TTC23: variants seen among roughly 807,000 people sequenced by gnomAD.
The protein encoded by TTC23 is tetratricopeptide repeat domain 23.
Under a neutral mutation model 55.1 loss-of-function variants are expected in TTC23, and 58 were observed. That is an observed-to-expected ratio of 1.05 (90% CI 0.85 to 1.31). The LOEUF (loss-of-function observed/expected upper bound fraction) is 1.31. Ranked by LOEUF, TTC23 falls within the 50% of genes most tolerant of loss-of-function variation. The pLI, the probability that TTC23 is intolerant of heterozygous loss-of-function variation, is 0.00. For missense variants in TTC23, 516 were observed against 534.4 expected (o/e 0.97, Z 0.34); for synonymous variants, 203 against 199.9 (o/e 1.02, Z -0.13).
chr15:99,139,031 G>A lies in TTC23; in HGVS notation c.1226+286C>T, dbSNP rs559224052. On this transcript the variant is annotated intron_variant, in intron 13 of 13. Coordinates refer to ENST00000394132, the MANE Select transcript of TTC23 (RefSeq NM_001288615.3). ...GCTGCAGGAGGCCACAGGGATTCCC[G>A]GGGCCCTCCCCCTGCAGCAGGTGCC... The A allele has an allele frequency of 1.6e-4, 72 of 462,202 alleles. 1 individual carries two copies. Among genetic ancestry groups the A allele is most frequent in the Non-Finnish European group, 2.2e-4 (54 of 250,630 alleles). The allele number at this position is 462,202 out of a possible 1,614,324, so 28.6% of individuals were successfully genotyped here. A position where few individuals can be genotyped will look rare whatever the true frequency, so the allele number is the denominator to read the frequency against.
At chr15:99,206,641 G>A (rs1034898882) in intron 8 of TTC23, among the ~76,000 whole-genome samples, 3 of 152,126 alleles carry the variant, frequency 2.0e-5, no homozygotes, top group South Asian at 2.1e-4. Context: ...TTGAATTTCT[G>A]TGGTAGCAGT....
chr15:99,230,346 G>T (rs1005722404), intron 4 of TTC23, among the ~76,000 whole-genome samples: 1 of 152,110 alleles, frequency 6.6e-6, no homozygotes, highest in African/African-American at 2.4e-5. Flanking sequence ...AAAAAAATCA[G>T]TGGGCTGTAA....
chr15:99,207,675 T>C (rs1315290719), intron 8 of TTC23, among the ~76,000 whole-genome samples: 1 of 152,178 alleles, frequency 6.6e-6, no homozygotes, highest in African/African-American at 2.4e-5. Flanking sequence ...GAGAATCGCT[T>C]GAACCCGGGA....
intron 2 of TTC23, among the ~76,000 whole-genome samples, chr15:99,243,834 G>C (rs538921054): frequency 6.6e-6 from 1 of 152,240 alleles, no homozygotes; most frequent in South Asian, 2.1e-4. Flanking sequence ...AAGGGTATTG[G>C]GCAGGGAGGG....
chr15:99,163,242 C>CA (rs934311930), intron 10 of TTC23, among the ~76,000 whole-genome samples: 1 of 152,116 alleles, frequency 6.6e-6, no homozygotes, highest in Admixed American at 6.5e-5. Context: ...GAAAGCATGA[C>CA]AGAGATTTGA....
chr15:99,138,169 GC>G (rs782518074), intron 13 of TTC23, 42 bp from the exon 14 acceptor site: 4 of 1,606,400 alleles, frequency 2.5e-6, no homozygotes, highest in African/African-American at 1.3e-5. Context: ...GTGCCCCTCA[GC>G]CCCCCACACC....
Position 99,137,879 on chromosome 15 carries a change from T to A in TTC23, c.*131A>T, listed in dbSNP as rs1393628862. 7.0e-7 allele frequency: 1 copy of A among 1,430,426 alleles called. No homozygotes were observed. The highest frequency in any genetic ancestry group is 9.5e-7 in the Non-Finnish European group (1 of 1,052,430). The allele number at this position is 1,430,426 out of a possible 1,614,324, so 88.6% of individuals were successfully genotyped here. On this transcript the variant is annotated 3_prime_UTR_variant, in exon 14 of 14. Transcript: ENST00000394132. The stretch of plus-strand genomic sequence containing the variant: ...AGGCTTATGGTCTCACTGTTGCATG[T>A]TGGGGCCAACAGTTGGCCTTGGAAA...
At chr15:99,139,229 T>G (rs1555488732) in intron 13 of TTC23, 88 bp downstream of exon 13, 13 of 1,525,512 alleles carry the variant, frequency 8.5e-6, no homozygotes, top group Non-Finnish European at 1.2e-5. Flanking sequence ...CAGAGAAGGT[T>G]ACACAGAACC....
Position 99,175,168 on chromosome 15 carries a change from A to G in TTC23, c.760-13T>C, listed in dbSNP as rs2151931854. The G allele has an allele frequency of 1.2e-6, 2 of 1,602,122 alleles. No homozygotes were observed. The highest frequency in any genetic ancestry group is 3.3e-4 in the Middle Eastern group (2 of 6,030). ...TGATAAGATGTGCCTGTCACCACAG[A>G]AAGAAGAAACATGTTGTTTACATAC... On this transcript the variant is annotated splice_polypyrimidine_tract_variant and intron_variant, in intron 9 of 13. Coordinates refer to ENST00000394132, the MANE Select transcript of TTC23 (RefSeq NM_001288615.3).
chr15:99,233,179 T>C (rs935786082), intron 4 of TTC23, among the ~76,000 whole-genome samples: 4 of 152,218 alleles, frequency 2.6e-5, no homozygotes, highest in Non-Finnish European at 5.9e-5. Context: ...TGGTGACTAC[T>C]GTATTGTTTC....
At position 99,136,957 on chromosome 15, in the gene TTC23, C is replaced by A. The variant is rs1345621383; in HGVS notation, c.*1053G>T. ...GAGGTGGTGCCCTGCACAAATGGCC[C>A]CAGGGTGGTTTTGATGTCCCACTGG... On this transcript the variant is annotated 3_prime_UTR_variant, in exon 14 of 14. Transcript: ENST00000394132. The A allele has an allele frequency of 6.6e-6, 1 of 152,214 alleles. No individual in the cohort carries two copies. Among genetic ancestry groups the A allele is most frequent in the Non-Finnish European group, 1.5e-5 (1 of 68,094 alleles). 9.4% of individuals were successfully genotyped at this position (152,214 alleles called of 1,614,324 possible).
chr15:99,183,300 C>G (rs186437180), intron 9 of TTC23, among the ~76,000 whole-genome samples: 213 of 151,510 alleles, frequency 1.4e-3, no homozygotes, highest in South Asian at 4.2e-3. Context: ...TTTAGGGCAT[C>G]TGGTGGAAGA....
chr15:99,249,734 C>T (rs1225003879), upstream of TTC23: 7 of 152,128 alleles, frequency 4.6e-5, no homozygotes. Flanking sequence ...AAAGTGGTAT[C>T]GTTGCCTGTT....
chr15:99,200,465 G>A (rs2076109383), intron 8 of TTC23, among the ~76,000 whole-genome samples: 1 of 152,186 alleles, frequency 6.6e-6, no homozygotes, highest in Non-Finnish European at 1.5e-5. Flanking sequence ...TGCTATATGG[G>A]TAGGTATTGG....
chr15:99,237,653 C>T (rs530588212), intron 3 of TTC23, among the ~76,000 whole-genome samples: 75 of 152,012 alleles, frequency 4.9e-4, no homozygotes, highest in African/African-American at 1.7e-3. Context: ...TGTGGTATGA[C>T]GGGGACGGGA....
chr15:99,196,810 T>C (rs1341542580), intron 9 of TTC23, among the ~76,000 whole-genome samples: 1 of 152,214 alleles, frequency 6.6e-6, no homozygotes, highest in African/African-American at 2.4e-5. Context: ...TCTCCCTGCC[T>C]GAAAACCTTC....
chr15:99,173,825 G>A (rs902168078), intron 10 of TTC23, among the ~76,000 whole-genome samples: 3 of 152,136 alleles, frequency 2.0e-5, no homozygotes, highest in African/African-American at 4.8e-5. Context: ...TGCTGCTGCT[G>A]CTGGTTTCTG....
At chr15:99,175,943 C>T (rs1039845274) in intron 9 of TTC23, among the ~76,000 whole-genome samples, 7 of 152,026 alleles carry the variant, frequency 4.6e-5, no homozygotes, top group African/African-American at 9.7e-5. Context: ...TGCAGTGGGC[C>T]GAGATTGCAC....
At chr15:99,228,268 T>C (rs1448500350) in intron 5 of TTC23, 3 of 296,330 alleles carry the variant, frequency 1.0e-5, no homozygotes, top group East Asian at 1.1e-4. Flanking sequence ...AGAAGCTGCA[T>C]CTGCTTTGTT....
Sources: allele counts gnomAD v4.1 joint callset (sites outside exome capture counted in the v4.1 genomes callset), GRCh38; gene constraint gnomAD v4.1.1; transcripts MANE v1.5; gene names NCBI Gene and HGNC (gene_info 2026-07-23, HGNC 2026-07-21).